The following TMEM26 variants were observed in gnomAD, a reference collection of about 807,000 sequenced individuals.
TMEM26 encodes the protein transmembrane protein 26.
In TMEM26, 38 loss-of-function variants were observed where a neutral mutation model predicts 28.8. That is an observed-to-expected ratio of 1.32 (90% CI 1.02 to 1.73). The LOEUF (loss-of-function observed/expected upper bound fraction) is 1.73, where lower values mean the gene tolerates loss of function less well. Among genes scored for constraint, TMEM26 ranks in the 40% most tolerant of loss-of-function variants. TMEM26 has a pLI of 0.00. For synonymous variants in TMEM26, 227 were observed against 182.9 expected, an observed-to-expected ratio of 1.24 and a Z score of -1.95; for missense variants, 518 against 447.1, an observed-to-expected ratio of 1.16 and a Z score of -1.43.
intron 2 of TMEM26, among the ~76,000 whole-genome samples, chr10:61,431,637 C>A (rs1256962252): frequency 6.6e-6 from 1 of 151,822 alleles, no homozygotes; most frequent in Non-Finnish European, 1.5e-5. Flanking sequence ...TTTCTTAAAC[C>A]CTGCAAGAAT....
intron 4 of TMEM26, among the ~76,000 whole-genome samples, chr10:61,418,532 A>G (rs1839690950): frequency 6.6e-6 from 1 of 152,086 alleles, no homozygotes; most frequent in South Asian, 2.1e-4. Context: ...CAGCAAAAAA[A>G]CAAAAAAACC....
chr10:61,428,608 C>A (rs779783728), intron 4 of TMEM26, among the ~76,000 whole-genome samples: 3 of 151,954 alleles, frequency 2.0e-5, no homozygotes, highest in Non-Finnish European at 4.4e-5. Flanking sequence ...ATGGTCATTC[C>A]ACTTCAGAAG....
At chr10:61,418,048 C>A (rs917101991) in intron 4 of TMEM26, among the ~76,000 whole-genome samples, 5 of 152,004 alleles carry the variant, frequency 3.3e-5, no homozygotes, top group Admixed American at 1.3e-4. Flanking sequence ...CACAGATATT[C>A]ATTCCCCTAT....
At chr10:61,423,760 A>C (rs1839785630) in intron 4 of TMEM26, among the ~76,000 whole-genome samples, 1 of 152,174 alleles carries the variant, frequency 6.6e-6, no homozygotes, top group Non-Finnish European at 1.5e-5. Context: ...TATATGTTAT[A>C]ATAAAGTAGA....
intron 5 of TMEM26, among the ~76,000 whole-genome samples, chr10:61,411,247 T>G (rs1839564909): frequency 6.6e-6 from 1 of 152,180 alleles, no homozygotes; most frequent in African/African-American, 2.4e-5. Flanking sequence ...GTTTCTTCCT[T>G]TGAAAACTGG....
chr10:61,413,501 T>G lies in TMEM26; in HGVS notation c.640A>C (p.Ile214Leu). Residue 214 changes from isoleucine to leucine, a missense_variant, in exon 5 of 6, where the codon ATA (isoleucine) becomes CTA (leucine). Transcript: ENST00000399298. The part of the protein sequence containing the change: ...SPALVYAILV[I>L]WTWSMLQFPL... ...AACTGCAGCATGCTCCAAGTCCATATAACAAGGATGGCATAGACTAGTGCA... is the reference window on the plus strand; with the variant it reads ...AACTGCAGCATGCTCCAAGTCCATAGAACAAGGATGGCATAGACTAGTGCA... 1 of 1,613,082 alleles carries G rather than the reference T, an allele frequency of 6.2e-7. No homozygotes were observed. Among genetic ancestry groups the G allele is most frequent in the Non-Finnish European group, 8.5e-7 (1 of 1,179,346 alleles).
At chr10:61,427,815 T>G (rs2135307128) in intron 4 of TMEM26, among the ~76,000 whole-genome samples, 1 of 152,282 alleles carries the variant, frequency 6.6e-6, no homozygotes. Flanking sequence ...TCATGATTGC[T>G]TGATGTTTTT....
intron 4 of TMEM26, chr10:61,413,849 T>C (rs1472621329): frequency 2.0e-6 from 2 of 1,017,498 alleles, no homozygotes; most frequent in African/African-American, 1.7e-5. Flanking sequence ...GGAGAAAATA[T>C]AGATATTAAC....
intron 4 of TMEM26, among the ~76,000 whole-genome samples, chr10:61,416,730 GC>G (rs1839658489): frequency 6.6e-6 from 1 of 151,898 alleles, no homozygotes; most frequent in Non-Finnish European, 1.5e-5. Flanking sequence ...AGACTTCTTA[GC>G]ACACAAAAAG....
chr10:61,446,337 T>C (rs1840179900), intron 1 of TMEM26, among the ~76,000 whole-genome samples: 1 of 152,068 alleles, frequency 6.6e-6, no homozygotes, highest in Admixed American at 6.6e-5. Flanking sequence ...CTGCACTGAG[T>C]TCAAGACTCA....
At chr10:61,426,173 C>G (rs138788515) in intron 4 of TMEM26, among the ~76,000 whole-genome samples, 1 of 152,078 alleles carries the variant, frequency 6.6e-6, no homozygotes, top group Non-Finnish European at 1.5e-5. Context: ...AAAAGCCACA[C>G]ATAAAAGAGC....
intron 1 of TMEM26, among the ~76,000 whole-genome samples, chr10:61,449,860 A>G (rs936706008): frequency 6.6e-6 from 1 of 152,026 alleles, no homozygotes; most frequent in Non-Finnish European, 1.5e-5. Context: ...TTCAATTGAT[A>G]CAAAGGACAA....
intron 1 of TMEM26, among the ~76,000 whole-genome samples, chr10:61,444,734 T>C (rs1840151966): frequency 6.6e-6 from 1 of 151,146 alleles, no homozygotes; most frequent in Non-Finnish European, 1.5e-5. Context: ...AATTATGTAG[T>C]AATGTAGTTA....
intron 1 of TMEM26, 128 bp downstream of exon 1, chr10:61,452,763 G>T: frequency 4.9e-6 from 6 of 1,217,160 alleles, no homozygotes; most frequent in Non-Finnish European, 7.0e-6. Context: ...CCTTCCAAGC[G>T]ATCAGCGAGG....
At chr10:61,435,379 C>G (rs747007101) in intron 2 of TMEM26, among the ~76,000 whole-genome samples, 6 of 152,114 alleles carry the variant, frequency 3.9e-5, no homozygotes, top group Non-Finnish European at 4.4e-5. Context: ...CAGGGTTTCA[C>G]CACGTTGGCC....
intron 3 of TMEM26, among the ~76,000 whole-genome samples, chr10:61,430,030 T>C (rs1022365460): frequency 3.3e-5 from 5 of 152,080 alleles, no homozygotes; most frequent in African/African-American, 4.8e-5. Context: ...CCTGATTGAA[T>C]CCATACATGA....
chr10:61,441,371 T>C (rs867995733), intron 1 of TMEM26, among the ~76,000 whole-genome samples: 4 of 152,380 alleles, frequency 2.6e-5, no homozygotes, highest in Middle Eastern at 6.8e-3. Flanking sequence ...GTTCTGCTCC[T>C]ATGAAAAATT....
chr10:61,446,732 T>C lies in TMEM26; in HGVS notation c.191+6159A>G, dbSNP rs146906475. 4.4e-3 allele frequency among the ~76,000 whole-genome samples: 560 copies of C among 128,660 alleles called. 3 individuals carry two copies. The highest frequency in any genetic ancestry group is 0.016 in the African/African-American group (537 of 33,560). The allele number at this position is 128,660 out of a possible 152,430, so 84.4% of individuals were successfully genotyped here. On this transcript the variant is annotated intron_variant, in intron 1 of 5. Coordinates refer to ENST00000399298, the MANE Select transcript of TMEM26 (RefSeq NM_178505.8). ...TACTCAGCAGGCCAAGGCAGGGGAA[T>C]CGCTTGAATCCAGGAGGCGGAGGTT...
chr10:61,446,854 T>C (rs948430008), intron 1 of TMEM26, among the ~76,000 whole-genome samples: 3 of 78,348 alleles, frequency 3.8e-5, no homozygotes, highest in African/African-American at 1.1e-4. Flanking sequence ...AAAAAAAAAT[T>C]AAAAATGCTT....
Sources: allele counts gnomAD v4.1 joint callset (sites outside exome capture counted in the v4.1 genomes callset), GRCh38; gene constraint gnomAD v4.1.1; transcripts MANE v1.5; gene names NCBI Gene and HGNC (gene_info 2026-07-23, HGNC 2026-07-21).